The following SPATA13 variants were observed in gnomAD, a reference collection of about 807,000 sequenced individuals.
The protein encoded by SPATA13 is spermatogenesis associated 13, also known as spermatogenesis-associated protein 13.
A neutral mutation model predicts 104.0 loss-of-function variants in SPATA13; 50 were observed. The observed-to-expected ratio is 0.48, with a 90% CI of 0.38 to 0.61. The LOEUF (loss-of-function observed/expected upper bound fraction) is 0.61. Among genes scored for constraint, SPATA13 ranks in the 20% least tolerant of loss-of-function variants. The probability of loss-of-function intolerance (pLI) is 0.00; values close to 1 mark genes in which losing one functional copy is unlikely to be tolerated. For synonymous variants in SPATA13, 606 were observed against 667.5 expected, an observed-to-expected ratio of 0.91 and a Z score of 1.42; for missense variants, 1,524 against 1,690.6, an observed-to-expected ratio of 0.90 and a Z score of 1.73.
chr13:24,251,246 T>A (rs1165429290), intron 3 of SPATA13, among the ~76,000 whole-genome samples: 4 of 152,250 alleles, frequency 2.6e-5, no homozygotes, highest in East Asian at 1.9e-4. Flanking sequence ...TATGCCAGGC[T>A]CTGTGTCGGT....
In SPATA13 at chr13:24,071,617, G is replaced by T. The variant is rs184984421; in HGVS notation, c.-112+53916G>T. ...CTCAGCCCTCTGTAGTATGGAGCTT[G>T]TTCCTTTGGTGTCTGACCGTACATA... On this transcript the variant is annotated intron_variant, in intron 3 of 14. Transcript: ENST00000424834. Among the ~76,000 whole-genome samples, 419 of 152,322 alleles carry T rather than the reference G, an allele frequency of 2.8e-3. 1 individual carries two copies. The highest frequency in any genetic ancestry group is 9.6e-3 in the African/African-American group (401 of 41,580).
At position 24,266,997 on chromosome 13, in the gene SPATA13, G is replaced by C. The variant is rs181957737; in HGVS notation, c.2164+15135G>C. On this transcript the variant is annotated intron_variant, in intron 4 of 12. Coordinates refer to ENST00000382108, the MANE Select transcript of SPATA13 (RefSeq NM_001166271.3). Reference sequence around the variant, plus strand: ...TCTTTGAACTATGGTTTAGGTTTTCGTTGTAGGATTCTTACTGATCTGGTA... The same window carrying C: ...TCTTTGAACTATGGTTTAGGTTTTCCTTGTAGGATTCTTACTGATCTGGTA... 1.3e-5 allele frequency among the ~76,000 whole-genome samples: 2 copies of C among 151,946 alleles called. 1 individual carries two copies. The highest frequency in any genetic ancestry group is 1.3e-4 in the Admixed American group (2 of 15,264).
intron 3 of SPATA13, among the ~76,000 whole-genome samples, chr13:24,094,826 C>A (rs902374335): frequency 6.6e-6 from 1 of 152,148 alleles, no homozygotes; most frequent in Non-Finnish European, 1.5e-5. Context: ...ACATTGGTGA[C>A]AGCCTTTTCA....
chr13:24,154,143 C>G (rs1385353186), intron 3 of SPATA13, among the ~76,000 whole-genome samples: 1 of 152,052 alleles, frequency 6.6e-6, no homozygotes, highest in East Asian at 1.9e-4. Context: ...AAAGCTTGGC[C>G]GTAGCTACAG....
intron 2 of SPATA13, among the ~76,000 whole-genome samples, chr13:24,244,850 C>T (rs1218593902): frequency 6.6e-6 from 1 of 151,948 alleles, no homozygotes; most frequent in Admixed American, 6.6e-5. Context: ...GTGAGACTGT[C>T]GCAAAATAAA....
chr13:24,202,961 GA>G (rs1350110768), intron 1 of SPATA13, among the ~76,000 whole-genome samples: 2 of 151,008 alleles, frequency 1.3e-5, no homozygotes, highest in African/African-American at 4.9e-5. Context: ...ATTATGGTGA[GA>G]TTTTTTTTTT....
intron 3 of SPATA13, among the ~76,000 whole-genome samples, chr13:24,056,419 G>A (rs1570887): frequency 0.99 from 150,055 of 152,332 alleles, 73,945 homozygotes; most frequent in East Asian, 1. Context: ...TTACCTTTAG[G>A]CTTGTTATTC....
chr13:24,251,464 A>G (rs892735461), intron 3 of SPATA13: 2 of 985,312 alleles, frequency 2.0e-6, no homozygotes, highest in African/African-American at 1.7e-5. Context: ...AGTGTGACCT[A>G]TTGGCATGTT....
chr13:24,227,342 T>C (rs188483349), intron 2 of SPATA13, among the ~76,000 whole-genome samples: 133 of 152,322 alleles, frequency 8.7e-4, no homozygotes, highest in African/African-American at 3.1e-3. Context: ...TATGAACTAG[T>C]GTGTAGTTAT....
chr13:24,188,802 C>T (rs1333447471), intron 1 of SPATA13, among the ~76,000 whole-genome samples: 2 of 152,144 alleles, frequency 1.3e-5, no homozygotes, highest in East Asian at 3.9e-4. Flanking sequence ...TGTCTGGTTT[C>T]AGAGCTTCAA....
intron 3 of SPATA13, among the ~76,000 whole-genome samples, chr13:24,120,102 T>A (rs1880986308): frequency 1.3e-5 from 2 of 152,166 alleles, no homozygotes. Flanking sequence ...GCAGGCCTGC[T>A]GTGGTTTGTA....
Position 24,286,825 on chromosome 13 carries a change from G to A in SPATA13, c.2542G>A (p.Asp848Asn). Residue 848 changes from aspartate (D) to asparagine (N), a missense_variant, in exon 7 of 13, where the codon GAC becomes AAC. Asp to Asn is a conservative substitution (Grantham distance 23). Coordinates refer to ENST00000382108, the MANE Select transcript of SPATA13 (RefSeq NM_001166271.3). The surrounding 1 kb of genome is among the most constrained non-coding windows in gnomAD (Gnocchi z 4.9). ...CAGCAGCACCCCCAGTGAGGAGCAG[G>A]ACGAGGAGGCCAGCCAGAGCCGCCA... Reference protein sequence around the residue: ...NSSSTPSEEQDEEASQSRHRH... With the variant: ...NSSSTPSEEQNEEASQSRHRH... 6.2e-7 allele frequency: 1 copy of A among 1,613,646 alleles called. No individual in the cohort carries two copies. The highest frequency in any genetic ancestry group is 1.1e-5 in the South Asian group (1 of 91,072).
At chr13:24,025,364 T>C (rs1296219834) in intron 3 of SPATA13, among the ~76,000 whole-genome samples, 1 of 152,166 alleles carries the variant, frequency 6.6e-6, no homozygotes, top group African/African-American at 2.4e-5. Flanking sequence ...ATAATACATG[T>C]GTATGTACAT....
rs778229445 is a variant in SPATA13 at position 24,142,476 on chromosome 13, G to T, written c.-111-80343G>T. ...ATTTCTCCCCCCTCAGTTTTGGATT[G>T]TCTGATGTTTTCTCCTGTTAGATTG... On this transcript the variant is annotated intron_variant, in intron 3 of 14. Transcript: ENST00000424834. Among the ~76,000 whole-genome samples, 180 of 152,106 alleles carry T rather than the reference G, an allele frequency of 1.2e-3. 1 individual carries two copies. The highest frequency in any genetic ancestry group is 4.0e-4 in the Non-Finnish European group (27 of 68,032).
At chr13:24,255,872 A>G (rs914826165) in intron 4 of SPATA13, among the ~76,000 whole-genome samples, 1 of 152,266 alleles carries the variant, frequency 6.6e-6, no homozygotes, top group African/African-American at 2.4e-5. Context: ...CATCATTTTG[A>G]GACACGTTGG....
At chr13:24,232,804 C>T (rs1872353809) in intron 2 of SPATA13, among the ~76,000 whole-genome samples, 1 of 152,196 alleles carries the variant, frequency 6.6e-6, no homozygotes, top group African/African-American at 2.4e-5. Flanking sequence ...CTGCCTCGGC[C>T]TCCCGGAGTG....
chr13:24,226,007 G>T (rs1033150043), intron 2 of SPATA13, among the ~76,000 whole-genome samples: 12 of 152,202 alleles, frequency 7.9e-5, no homozygotes, highest in African/African-American at 2.9e-4. Flanking sequence ...GCCCATAGGA[G>T]ACCTGGAATG....
At chr13:24,294,681 C>G in intron 9 of SPATA13, 58 bp from the exon 10 acceptor site, 1 of 1,523,636 alleles carries the variant, frequency 6.6e-7, no homozygotes, top group Non-Finnish European at 8.9e-7. Flanking sequence ...GATTATTTTG[C>G]CAGTCCTCAT....
intron 3 of SPATA13, among the ~76,000 whole-genome samples, chr13:24,134,010 C>T (rs1012047238): frequency 6.6e-6 from 1 of 152,118 alleles, no homozygotes; most frequent in African/African-American, 2.4e-5. Flanking sequence ...TGCATGCCTT[C>T]CAGAGGTTGT....
Sources: gnomAD v4.1 joint callset for allele counts (sites outside exome capture counted in the v4.1 genomes callset) on GRCh38, gnomAD v4.1.1 for gene constraint, Gnocchi (gnomAD v3.1) non-coding constraint, MANE v1.5 for transcripts, NCBI Gene and HGNC (gene_info 2026-07-23, HGNC 2026-07-21) for gene names.